The following TSNARE1 variants were observed in gnomAD, a reference collection of about 807,000 sequenced individuals.
TSNARE1 encodes the protein t-SNARE domain-containing protein 1.
TSNARE1 carries 49 observed loss-of-function variants against 62.0 expected under a neutral mutation model. That is an observed-to-expected ratio of 0.79 (90% CI 0.63 to 1.00). The LOEUF (loss-of-function observed/expected upper bound fraction) is 1.00, where lower values mean the gene tolerates loss of function less well. Among genes scored for constraint, TSNARE1 ranks in the 50% least tolerant of loss-of-function variants. The pLI, the probability that TSNARE1 is intolerant of heterozygous loss-of-function variation, is 0.00. For synonymous variants in TSNARE1, 328 were observed against 294.4 expected, an observed-to-expected ratio of 1.11 and a Z score of -1.17; for missense variants, 755 against 700.1, an observed-to-expected ratio of 1.08 and a Z score of -0.88.
intron 12 of TSNARE1, among the ~76,000 whole-genome samples, chr8:142,234,046 C>A (rs1363111170): frequency 6.6e-6 from 1 of 152,184 alleles, no homozygotes; most frequent in African/African-American, 2.4e-5. Flanking sequence ...ACATGGTAAC[C>A]AAGAAGAGAG....
At chr8:142,371,861 G>A (rs893624771) in intron 1 of TSNARE1, among the ~76,000 whole-genome samples, 6 of 152,194 alleles carry the variant, frequency 3.9e-5, no homozygotes, top group African/African-American at 1.4e-4. Flanking sequence ...GTAAAGCTTT[G>A]CTGGCACACA....
Position 142,345,727 on chromosome 8 carries a change from C to T in TSNARE1, c.238+16G>A, listed in dbSNP as rs1244690708. On this transcript the variant is annotated intron_variant, in intron 3 of 13. Coordinates refer to ENST00000524325, the MANE Select transcript of TSNARE1 (RefSeq NM_145003.5). ...CCTTCCCAGGACCCCTGAGACCCAG[C>T]GTCTGAGTGAAGTACCTCGCTTCCT... is the stretch of plus-strand genomic sequence containing the variant. 9.5e-6 allele frequency: 15 copies of T among 1,573,564 alleles called. No homozygotes were observed. Among genetic ancestry groups the T allele is most frequent in the African/African-American group, 1.4e-5 (1 of 72,984 alleles).
chr8:142,318,409 G>C (rs1828921632), intron 7 of TSNARE1, 135 bp downstream of exon 7: 1 of 847,014 alleles, frequency 1.2e-6, no homozygotes, highest in Non-Finnish European at 1.9e-6. Flanking sequence ...TGGGAGGCTG[G>C]GTGCCAGGCC....
At chr8:142,326,957 CAT>C (rs1228176755) in intron 6 of TSNARE1, among the ~76,000 whole-genome samples, 2 of 152,182 alleles carry the variant, frequency 1.3e-5, no homozygotes, top group African/African-American at 4.8e-5. Flanking sequence ...ATCCAAAAGA[CAT>C]ATAACAACAA....
At chr8:142,229,178 G>A (rs1400340517) in intron 13 of TSNARE1, among the ~76,000 whole-genome samples, 1 of 151,860 alleles carries the variant, frequency 6.6e-6, no homozygotes, top group Non-Finnish European at 1.5e-5. Context: ...AGGGTGGATG[G>A]ATGGACAGAT....
At chr8:142,378,289 T>C (rs573765285) in intron 1 of TSNARE1, among the ~76,000 whole-genome samples, 6 of 152,316 alleles carry the variant, frequency 3.9e-5, no homozygotes, top group Admixed American at 2.6e-4. Flanking sequence ...AAGAGAGTCA[T>C]GCTGTGTGAT....
chr8:142,310,754 CATT>C (rs1219664767), intron 9 of TSNARE1, among the ~76,000 whole-genome samples: 3 of 152,158 alleles, frequency 2.0e-5, no homozygotes. Flanking sequence ...GTGCTCTTAA[CATT>C]TTTTTTCTAG....
chr8:142,344,141 G>A lies in TSNARE1; in HGVS notation c.570C>T (p.Asp190=). 1.2e-6 allele frequency: 2 copies of A among 1,612,922 alleles called. No homozygotes were observed. Among genetic ancestry groups the A allele is most frequent in the Non-Finnish European group, 1.7e-6 (2 of 1,179,798 alleles). The part of the protein sequence containing the change: ...DVVDLKHKWR[D]LRAVVRRKLG... ...GCTTGCGCCGCACGACGGCTCGTAGGTCCCGCCACTTGTGCTTCAGGTCCA... is the reference window on the plus strand; with the variant it reads ...GCTTGCGCCGCACGACGGCTCGTAGATCCCGCCACTTGTGCTTCAGGTCCA... Residue 190 remains aspartate, a synonymous_variant, in exon 4 of 14, where the codon GAC becomes GAT. Coordinates refer to ENST00000524325, the MANE Select transcript of TSNARE1 (RefSeq NM_145003.5).
intron 11 of TSNARE1, among the ~76,000 whole-genome samples, chr8:142,282,862 A>T (rs1821850344): frequency 7.5e-6 from 1 of 133,762 alleles, no homozygotes; most frequent in Non-Finnish European, 1.6e-5. Flanking sequence ...TCTATCAATG[A>T]GCAGAGGGGA....
At chr8:142,369,082 C>A (rs192411821) in intron 1 of TSNARE1, among the ~76,000 whole-genome samples, 16 of 152,218 alleles carry the variant, frequency 1.1e-4, no homozygotes, top group Non-Finnish European at 1.8e-4. Context: ...AACCGCCACC[C>A]GGCTGCCAGG....
chr8:142,390,230 T>C (rs900691486), intron 1 of TSNARE1, among the ~76,000 whole-genome samples: 2 of 152,028 alleles, frequency 1.3e-5, no homozygotes, highest in Non-Finnish European at 2.9e-5. Flanking sequence ...CTGTACACTT[T>C]GGGGGACTTT....
intron 1 of TSNARE1, among the ~76,000 whole-genome samples, chr8:142,370,610 C>G (rs1835853648): frequency 1.3e-5 from 2 of 151,788 alleles, no homozygotes; most frequent in Admixed American, 1.3e-4. Flanking sequence ...ACAAAAAGCT[C>G]AGAGAACACT....
chr8:142,331,300 G>A (rs974028679), intron 5 of TSNARE1, among the ~76,000 whole-genome samples: 2 of 152,222 alleles, frequency 1.3e-5, no homozygotes, highest in African/African-American at 4.8e-5. Flanking sequence ...CCCATCCGTT[G>A]CCCCTCCCCT....
intron 10 of TSNARE1, among the ~76,000 whole-genome samples, chr8:142,297,528 AG>A (rs1824970388): frequency 6.6e-6 from 1 of 152,308 alleles, no homozygotes; most frequent in African/African-American, 2.4e-5. Context: ...CAAATCCCAA[AG>A]CCCCCAGTGA....
intron 13 of TSNARE1, among the ~76,000 whole-genome samples, chr8:142,216,218 C>T (rs1368522237): frequency 2.0e-5 from 3 of 152,224 alleles, no homozygotes; most frequent in South Asian, 2.1e-4. Context: ...ATGGTGCCCC[C>T]GCCCCTCCTC....
chr8:142,304,187 C>A (rs1215192148), intron 9 of TSNARE1, among the ~76,000 whole-genome samples: 2 of 152,282 alleles, frequency 1.3e-5, no homozygotes, highest in African/African-American at 4.8e-5. Context: ...ATTATCACCT[C>A]CCCTTCCTGG....
At chr8:142,391,654 C>G (rs569954920) in intron 1 of TSNARE1, among the ~76,000 whole-genome samples, 1 of 152,258 alleles carries the variant, frequency 6.6e-6, no homozygotes, top group Admixed American at 6.5e-5. Flanking sequence ...ACAGTGGAAG[C>G]CGTGTGCAGT....
chr8:142,363,745 C>T (rs1000596814), intron 1 of TSNARE1, among the ~76,000 whole-genome samples: 16 of 152,284 alleles, frequency 1.1e-4, no homozygotes, highest in African/African-American at 3.4e-4. Context: ...CCCACCAAAA[C>T]GGCTCCCACC....
At chr8:142,283,102 G>A (rs1328208095) in intron 11 of TSNARE1, among the ~76,000 whole-genome samples, 1 of 133,706 alleles carries the variant, frequency 7.5e-6, no homozygotes, top group African/African-American at 2.9e-5. Context: ...TGAGCAGAGG[G>A]GAGGCCACTG....
Sources: gnomAD v4.1 joint callset for allele counts (sites outside exome capture counted in the v4.1 genomes callset) on GRCh38, gnomAD v4.1.1 for gene constraint, MANE v1.5 for transcripts, NCBI Gene and HGNC (gene_info 2026-07-23, HGNC 2026-07-21) for gene names.